The following ARHGAP32 variants were observed in gnomAD, a reference collection of about 807,000 sequenced individuals.
ARHGAP32 encodes Rho GTPase activating protein 32.
Under a neutral mutation model 186.5 loss-of-function variants are expected in ARHGAP32, and 51 were observed. That is an observed-to-expected ratio of 0.27 (90% CI 0.22 to 0.35). ARHGAP32 has a LOEUF of 0.35. Ranked by LOEUF, ARHGAP32 falls within the 10% of genes least tolerant of loss-of-function variation. The pLI is 1.00. For synonymous variants in ARHGAP32, 950 were observed against 964.3 expected (o/e 0.99, Z 0.27); for missense variants, 2,186 against 2,623.5 (o/e 0.83, Z 3.64).
intron 2 of ARHGAP32, among the ~76,000 whole-genome samples, chr11:129,154,682 G>T (rs1359628341): frequency 1.3e-5 from 2 of 152,152 alleles, no homozygotes; most frequent in South Asian, 2.1e-4. Flanking sequence ...GCTAAGCTAT[G>T]AGGACACAAA....
At chr11:129,068,257 C>T (rs1015730304) in intron 6 of ARHGAP32, among the ~76,000 whole-genome samples, 3 of 152,028 alleles carry the variant, frequency 2.0e-5, no homozygotes, top group Non-Finnish European at 4.4e-5. Context: ...CCTTTCTTGG[C>T]TTCCAGTTAT....
chr11:129,086,620 G>T (rs1290169050), intron 6 of ARHGAP32, among the ~76,000 whole-genome samples: 1 of 152,120 alleles, frequency 6.6e-6, no homozygotes, highest in Non-Finnish European at 1.5e-5. Flanking sequence ...AGGAGATCGA[G>T]ACCATCCCGG....
At chr11:129,194,066 A>G (rs374757573), upstream of ARHGAP32, among the ~76,000 whole-genome samples, 5 of 152,178 alleles carry the variant, frequency 3.3e-5, no homozygotes, top group South Asian at 1.0e-3. Flanking sequence ...TGACTTTTAA[A>G]AAATCTATCA....
chr11:129,177,509 C>G (rs1161028287), intron 1 of ARHGAP32, among the ~76,000 whole-genome samples: 1 of 152,182 alleles, frequency 6.6e-6, no homozygotes, highest in Admixed American at 6.5e-5. Flanking sequence ...GACCAATATC[C>G]TTGATGAACA....
intron 5 of ARHGAP32, among the ~76,000 whole-genome samples, chr11:129,112,236 C>CAAAAAA (rs35290084): frequency 2.1e-5 from 3 of 140,310 alleles, no homozygotes; most frequent in Admixed American, 2.1e-4. Context: ...GAGCAAGACT[C>CAAAAAA]AAAAAAAAAA....
chr11:129,264,100 C>A (rs537916484), intron 1 of ARHGAP32, among the ~76,000 whole-genome samples: 2 of 152,096 alleles, frequency 1.3e-5, no homozygotes, highest in Non-Finnish European at 1.5e-5. Flanking sequence ...CATAGATGAA[C>A]CTTGAGGACA....
intron 2 of ARHGAP32, among the ~76,000 whole-genome samples, chr11:129,155,854 T>C (rs998592251): frequency 3.3e-5 from 5 of 152,162 alleles, no homozygotes; most frequent in African/African-American, 1.2e-4. Context: ...GGGTGATCTC[T>C]GCATTTACAA....
intron 1 of ARHGAP32, among the ~76,000 whole-genome samples, chr11:129,170,303 C>T (rs370133575): frequency 2.0e-5 from 3 of 151,236 alleles, no homozygotes; most frequent in African/African-American, 4.8e-5. Flanking sequence ...TCTATTGACT[C>T]GTCCTCTACT....
chr11:129,026,324 G>A (rs1938845059), intron 11 of ARHGAP32, among the ~76,000 whole-genome samples: 1 of 152,134 alleles, frequency 6.6e-6, no homozygotes, highest in Non-Finnish European at 1.5e-5. Context: ...CTGAAAAGAT[G>A]CTGTGCCATC....
At chr11:128,998,547 A>C in intron 11 of ARHGAP32, 79 bp from the exon 12 acceptor site, 425 of 1,106,664 alleles carry the variant, frequency 3.8e-4, no homozygotes, top group Non-Finnish European at 4.7e-4. Flanking sequence ...AACATATCTC[A>C]AGAGGCTGAC....
At chr11:129,251,268 C>A (rs2135690540) in intron 1 of ARHGAP32, among the ~76,000 whole-genome samples, 1 of 152,286 alleles carries the variant, frequency 6.6e-6, no homozygotes, top group East Asian at 1.9e-4. Flanking sequence ...ATACGATGTG[C>A]TCCAAAAACC....
chr11:129,218,197 T>C (rs1350144605), intron 1 of ARHGAP32, among the ~76,000 whole-genome samples: 5 of 152,212 alleles, frequency 3.3e-5, no homozygotes. Context: ...ATTAAATACG[T>C]TAAATAATAT....
At chr11:129,180,173 A>T (rs899609425) in intron 1 of ARHGAP32, among the ~76,000 whole-genome samples, 3 of 152,154 alleles carry the variant, frequency 2.0e-5, no homozygotes, top group African/African-American at 7.2e-5. Context: ...TTTTTCATAC[A>T]ATAGACTACT....
At chr11:129,128,995 T>G (rs866685060) in intron 2 of ARHGAP32, among the ~76,000 whole-genome samples, 8 of 151,822 alleles carry the variant, frequency 5.3e-5, no homozygotes, top group Middle Eastern at 3.4e-3. Context: ...AGCCTCTGCC[T>G]GGCCGCCACC....
At chr11:129,219,952 A>T (rs773611498) in intron 1 of ARHGAP32, among the ~76,000 whole-genome samples, 4 of 152,154 alleles carry the variant, frequency 2.6e-5, no homozygotes, top group African/African-American at 4.8e-5. Context: ...GACATGAAAA[A>T]ATAAAACCTG....
intron 1 of ARHGAP32, among the ~76,000 whole-genome samples, chr11:129,219,833 T>C (rs1249638419): frequency 6.6e-6 from 1 of 151,996 alleles, no homozygotes; most frequent in Non-Finnish European, 1.5e-5. Flanking sequence ...CTGGAGGTTA[T>C]TAATATTCAC....
At chr11:129,047,506 A>T (rs1939862586) in intron 10 of ARHGAP32, among the ~76,000 whole-genome samples, 1 of 152,086 alleles carries the variant, frequency 6.6e-6, no homozygotes, top group Admixed American at 6.6e-5. Context: ...ATTTGTTTTA[A>T]ATCAGTACCC....
chr11:129,191,169 GAA>G, intron 1 of ARHGAP32, among the ~76,000 whole-genome samples: 1 of 152,252 alleles, frequency 6.6e-6, no homozygotes, highest in African/African-American at 2.4e-5. Context: ...AGTATCTGAT[GAA>G]AACAGTATAT....
At chr11:128,975,495 A>C (rs973371385) in intron 20 of ARHGAP32, among the ~76,000 whole-genome samples, 6 of 152,188 alleles carry the variant, frequency 3.9e-5, no homozygotes, top group Non-Finnish European at 7.3e-5. Context: ...CTCAATTAAA[A>C]AATCTTCATA....
Sources: gnomAD v4.1 joint callset for allele counts (sites outside exome capture counted in the v4.1 genomes callset) on GRCh38, gnomAD v4.1.1 for gene constraint, MANE v1.5 for transcripts, NCBI Gene and HGNC (gene_info 2026-07-23, HGNC 2026-07-21) for gene names.